Variants in RIC8B observed in about 807,000 individuals in gnomAD.
RIC8B encodes the protein chaperone Ric-8B.
A neutral mutation model predicts 57.5 loss-of-function variants in RIC8B; 16 were observed. The observed-to-expected ratio is 0.28, with a 90% CI of 0.19 to 0.42. RIC8B has a LOEUF of 0.42. RIC8B is among the 10% of genes least tolerant of loss of function. RIC8B has a pLI of 1.00. For missense variants in RIC8B, 481 were observed against 677.0 expected, an observed-to-expected ratio of 0.71 and a Z score of 3.21; for synonymous variants, 216 against 250.8, an observed-to-expected ratio of 0.86 and a Z score of 1.31.
intron 4 of RIC8B, among the ~76,000 whole-genome samples, chr12:106,833,658 T>G (rs2046458456): frequency 6.6e-6 from 1 of 152,174 alleles, no homozygotes; most frequent in African/African-American, 2.4e-5. Flanking sequence ...TTCTGCACAC[T>G]TACTATTTAA....
At chr12:106,787,348 C>T (rs753538947) in intron 2 of RIC8B, among the ~76,000 whole-genome samples, 4 of 152,186 alleles carry the variant, frequency 2.6e-5, no homozygotes, top group Non-Finnish European at 5.9e-5. Context: ...TAGACTTAGA[C>T]ATCAGAACTA....
Position 106,803,178 on chromosome 12 carries a change from C to CT in RIC8B, c.133-11517dup, listed in dbSNP as rs913447751. Among the ~76,000 whole-genome samples, 34 of 143,024 alleles carry CT rather than the reference C, an allele frequency of 2.4e-4. 1 individual carries two copies. The East Asian group carries it at 6.1e-3, about 26-fold the overall frequency. The allele number at this position is 143,024 out of a possible 152,430, so 93.8% of individuals were successfully genotyped here. A position where few individuals can be genotyped will look rare whatever the true frequency, so the allele number is the denominator to read the frequency against. On this transcript the variant is annotated intron_variant, in intron 2 of 9. Transcript: ENST00000392837. The stretch of plus-strand genomic sequence containing the variant: ...AGTGAGCTGTGATCGTGCCATTGCT[C>CT]TCCAGCCTGGGTGACAAGAGTGATG...
chr12:106,837,019 A>G (rs1418680786), intron 4 of RIC8B, among the ~76,000 whole-genome samples: 1 of 152,150 alleles, frequency 6.6e-6, no homozygotes, highest in Non-Finnish European at 1.5e-5. Flanking sequence ...AATCCCTTCA[A>G]GTCATTTAAA....
rs117144705 is a variant in RIC8B at position 106,854,473 on chromosome 12, A to G, written c.1306+2879A>G. On this transcript the variant is annotated intron_variant, in intron 7 of 9. Coordinates refer to ENST00000392837, the MANE Select transcript of RIC8B (RefSeq NM_001330145.2). ...GAGACAGACAGTAAGCAGCAGTTAT[A>G]ATGGGTTAGGAACACAGAGACTGCA... Among the ~76,000 whole-genome samples the G allele has an allele frequency of 1.6e-3, 248 of 152,224 alleles. 7 individuals are homozygous for G. The East Asian group carries it at 0.039, about 24-fold the overall frequency.
At chr12:106,858,507 C>T (rs191393900) in intron 7 of RIC8B, among the ~76,000 whole-genome samples, 11 of 152,144 alleles carry the variant, frequency 7.2e-5, no homozygotes, top group Admixed American at 2.0e-4. Context: ...TTCTTCTGCT[C>T]GTACTTTTTA....
chr12:106,883,731 T>C (rs1352107565), intron 9 of RIC8B, among the ~76,000 whole-genome samples: 1 of 151,882 alleles, frequency 6.6e-6, no homozygotes, highest in Non-Finnish European at 1.5e-5. Context: ...CCTAATGACT[T>C]GTCTATCTGC....
intron 8 of RIC8B, among the ~76,000 whole-genome samples, chr12:106,870,296 T>C (rs1254846174): frequency 6.6e-6 from 1 of 152,202 alleles, no homozygotes; most frequent in Non-Finnish European, 1.5e-5. Context: ...TGCTTTATCT[T>C]TTATTATTTA....
chr12:106,844,030 A>G lies in RIC8B; in HGVS notation c.1161+83A>G, dbSNP rs1949077423. ...ATAGAATTAATTGAATTTTCTCACA[A>G]TGATTTTGTTTCAGATAATCAGAAA... On this transcript the variant is annotated intron_variant, in intron 6 of 9. Coordinates refer to ENST00000392837, the MANE Select transcript of RIC8B (RefSeq NM_001330145.2). 5 of 977,362 alleles carry G rather than the reference A, an allele frequency of 5.1e-6. No homozygotes were observed. In the South Asian group the frequency reaches 5.5e-5, roughly 11 times the overall value. 60.5% of individuals were successfully genotyped at this position (977,362 alleles called of 1,614,324 possible). A position where few individuals can be genotyped will look rare whatever the true frequency, so the allele number is the denominator to read the frequency against.
chr12:106,829,991 T>C (rs1473844833), intron 4 of RIC8B, among the ~76,000 whole-genome samples: 1 of 152,226 alleles, frequency 6.6e-6, no homozygotes, highest in African/African-American at 2.4e-5. Context: ...TTTGAATATA[T>C]ATATGTGAGA....
At position 106,842,630 on chromosome 12, in the gene RIC8B, T is replaced by A; in HGVS notation, c.878T>A (p.Leu293Ter). Reference sequence around the variant, plus strand: ...TTAAGCAATGTTCCAGTCTCTTGTTTGGATGTTCTCATTTGTCCGTTAACC... The same window carrying A: ...TTAAGCAATGTTCCAGTCTCTTGTTAGGATGTTCTCATTTGTCCGTTAACC... ...NLLSNVPVSC[L>*]DVLICPLTHE... is the part of the protein sequence containing the mutation. Residue 293 changes from leucine to a stop codon, truncating the protein, a stop_gained, in exon 5 of 10, where the codon TTG becomes TAG. Coordinates refer to ENST00000392837, the MANE Select transcript of RIC8B (RefSeq NM_001330145.2). LOFTEE classifies it high-confidence loss of function. 6.2e-7 allele frequency: 1 copy of A among 1,614,108 alleles called. No individual in the cohort carries two copies. Among genetic ancestry groups the A allele is most frequent in the Non-Finnish European group, 8.5e-7 (1 of 1,179,946 alleles).
chr12:106,883,278 T>C (rs1468882676), intron 9 of RIC8B, among the ~76,000 whole-genome samples: 1 of 152,204 alleles, frequency 6.6e-6, no homozygotes, highest in Non-Finnish European at 1.5e-5. Flanking sequence ...CTTCTCCTTT[T>C]GCTTCAGTTG....
intron 6 of RIC8B, among the ~76,000 whole-genome samples, chr12:106,848,334 A>G (rs1949300635): frequency 2.0e-5 from 3 of 152,184 alleles, no homozygotes; most frequent in Admixed American, 2.0e-4. Context: ...AGGAAGCCAG[A>G]TTATGTGGAA....
At chr12:106,861,756 C>G (rs977740689) in intron 8 of RIC8B, among the ~76,000 whole-genome samples, 1 of 151,984 alleles carries the variant, frequency 6.6e-6, no homozygotes, top group African/African-American at 2.4e-5. Flanking sequence ...ATATTGATAT[C>G]TCTTGATTTG....
At chr12:106,786,955 T>A (rs540251478) in intron 2 of RIC8B, among the ~76,000 whole-genome samples, 1 of 152,202 alleles carries the variant, frequency 6.6e-6, no homozygotes, top group Non-Finnish European at 1.5e-5. Context: ...GAGTCTTTGG[T>A]AGTGCTTTTA....
intron 2 of RIC8B, among the ~76,000 whole-genome samples, chr12:106,795,687 A>G (rs1479032495): frequency 6.6e-6 from 1 of 152,156 alleles, no homozygotes; most frequent in Non-Finnish European, 1.5e-5. Flanking sequence ...GATTGGCACA[A>G]CTGCTGGCAT....
chr12:106,799,403 G>A (rs180891457), intron 2 of RIC8B, among the ~76,000 whole-genome samples: 1 of 152,122 alleles, frequency 6.6e-6, no homozygotes, highest in Non-Finnish European at 1.5e-5. Context: ...AGCCCTAGTT[G>A]TTATCCCTAT....
At chr12:106,875,465 C>CTT (rs1950618982) in intron 9 of RIC8B, among the ~76,000 whole-genome samples, 1 of 152,148 alleles carries the variant, frequency 6.6e-6, no homozygotes, top group Non-Finnish European at 1.5e-5. Context: ...TTGCACACAA[C>CTT]TTGTATATAA....
rs1951178353 is a variant in RIC8B at position 106,886,198 on chromosome 12, T to C, written c.*183T>C. The C allele has an allele frequency of 5.2e-6, 3 of 573,556 alleles. No individual in the cohort carries two copies. The highest frequency in any genetic ancestry group is 9.2e-6 in the Non-Finnish European group (3 of 324,822). 35.5% of individuals were successfully genotyped at this position (573,556 alleles called of 1,614,324 possible). On this transcript the variant is annotated 3_prime_UTR_variant, in exon 10 of 10. Transcript: ENST00000392837. ...TGTGTTTTTTGTGATATTGAGGCAT[T>C]CATACAGAGCTGCAGTTAGACGGGG...
intron 7 of RIC8B, among the ~76,000 whole-genome samples, chr12:106,855,287 T>C (rs1949672610): frequency 6.6e-6 from 1 of 152,238 alleles, no homozygotes; most frequent in Non-Finnish European, 1.5e-5. Flanking sequence ...CCCTTTCCTG[T>C]TGATCATTTC....
Sources: allele counts gnomAD v4.1 joint callset (sites outside exome capture counted in the v4.1 genomes callset), GRCh38; gene constraint gnomAD v4.1.1; transcripts MANE v1.5; gene names NCBI Gene and HGNC (gene_info 2026-07-23, HGNC 2026-07-21).